Variants in SLC25A1 observed in about 807,000 individuals in gnomAD.
SLC25A1 encodes solute carrier family 25 member 1, also known as tricarboxylate transport protein, mitochondrial.
Under a neutral mutation model 38.1 loss-of-function variants are expected in SLC25A1, and 26 were observed. The ratio of observed to expected loss-of-function variants is 0.68; its 90% CI spans 0.50 to 0.95. SLC25A1 has a LOEUF of 0.95. SLC25A1 is among the 40% of genes least tolerant of loss of function. The pLI is 0.00. For synonymous variants in SLC25A1, 211 were observed against 183.2 expected, an observed-to-expected ratio of 1.15 and a Z score of -1.23; for missense variants, 378 against 426.6, an observed-to-expected ratio of 0.89 and a Z score of 1.00.
Position 19,176,458 on chromosome 22 carries a change from A to C in SLC25A1, c.784T>G (p.Cys262Gly), listed in dbSNP as rs2083960955. ...TCCTTCTTCAGGATCTGCAAGCCGC[A>C]GTCCCACGTGTTCCGGTATTTGTGC... ...EAHKYRNTWD[C>G]GLQILKKEGL... Residue 262 changes from cysteine (C) to glycine (G), a missense_variant, in exon 8 of 9, where the codon TGC (cysteine) becomes GGC (glycine). Coordinates refer to ENST00000215882, the MANE Select transcript of SLC25A1 (RefSeq NM_005984.5). 1 of 1,613,700 alleles carries C rather than the reference A, an allele frequency of 6.2e-7. No homozygotes were observed. The highest frequency in any genetic ancestry group is 8.5e-7 in the Non-Finnish European group (1 of 1,180,014).
At chr22:19,177,700 CG>C in intron 4 of SLC25A1, 26 bp downstream of exon 4, 1 of 1,603,372 alleles carries the variant, frequency 6.2e-7, no homozygotes. Context: ...CCTGCGTGTC[CG>C]GGGTCCTCGC....
At chr22:19,177,016 T>G (rs1218200055) in intron 5 of SLC25A1, 66 bp from the exon 6 acceptor site, 67 of 1,587,190 alleles carry the variant, frequency 4.2e-5, no homozygotes, top group Middle Eastern at 1.7e-4. Context: ...TTGGTGTGTG[T>G]GGGGGGTGGG....
rs2083962379 is a variant in SLC25A1 at position 19,176,505 on chromosome 22, C to T, written c.748-11G>A. 1.2e-6 allele frequency: 2 copies of T among 1,613,608 alleles called. No individual in the cohort carries two copies. Among genetic ancestry groups the T allele is most frequent in the Admixed American group, 1.7e-5 (1 of 60,006 alleles). On this transcript the variant is annotated splice_polypyrimidine_tract_variant and intron_variant, in intron 7 of 8. Transcript: ENST00000215882. ...GTGCGCCTCCAGGCCCTATGGGGGA[C>T]ATCAGCAGGCAGGGGCTCAGCAGCT...
rs1555922641 is a variant in SLC25A1, at chr22:19,177,171, G to A, written c.475C>T (p.Pro159Ser). 19 of 1,614,064 alleles carry A rather than the reference G, an allele frequency of 1.2e-5. No individual in the cohort carries two copies. Among genetic ancestry groups the A allele is most frequent in the Non-Finnish European group, 1.5e-5 (18 of 1,179,962 alleles). Residue 159 changes from proline (P) to serine (S), a missense_variant, in exon 5 of 9, where the codon CCC becomes TCC. Transcript: ENST00000215882. ...CCGTGGAAGAATCCTCTGTACTTGG[G>A]GTTTGGGGAGGTCTGGTCGTGGATG... Reference protein sequence around the residue: ...KFIHDQTSPNPKYRGFFHGVR... With the variant: ...KFIHDQTSPNSKYRGFFHGVR...
chr22:19,176,208 G>A lies in SLC25A1; in HGVS notation c.858C>T (p.Val286=). 6.2e-7 allele frequency: 1 copy of A among 1,613,564 alleles called. No individual in the cohort carries two copies. The highest frequency in any genetic ancestry group is 1.1e-5 in the South Asian group (1 of 91,074). The change falls in exon 9 of 9, where the codon GTC becomes GTT. Residue 286 remains valine (V), a synonymous_variant. Transcript: ENST00000215882. Reference sequence around the variant, plus strand: ...CAAACACTATGGCCACATCCAGGCAGACCCGGCCCAGGCGGGGGACAGTGC... The same window carrying A: ...CAAACACTATGGCCACATCCAGGCAAACCCGGCCCAGGCGGGGGACAGTGC... ...YKGTVPRLGR[V]CLDVAIVFVI...
Position 19,176,250 on chromosome 22 carries a change from T to C in SLC25A1, c.822-6A>G. ...GGACAGTGCCCTTGTAGAATCTGGGTGGGAGGAGGGGCGGGGAGAGGAAGG... is the reference window on the plus strand; with the variant it reads ...GGACAGTGCCCTTGTAGAATCTGGGCGGGAGGAGGGGCGGGGAGAGGAAGG... On this transcript the variant is annotated splice_polypyrimidine_tract_variant and splice_region_variant and intron_variant, in intron 8 of 8. Coordinates refer to ENST00000215882, the MANE Select transcript of SLC25A1 (RefSeq NM_005984.5). 15 of 1,601,618 alleles carry C rather than the reference T, an allele frequency of 9.4e-6. No homozygotes were observed. Among genetic ancestry groups the C allele is most frequent in the Non-Finnish European group, 1.2e-5 (14 of 1,170,922 alleles).
At position 19,178,622 on chromosome 22, in the gene SLC25A1, C is replaced by G; in HGVS notation, c.52G>C (p.Gly18Arg). ...RALAAAAPAS[G>R]KAKLTHPGKA... ...CCCGGGTGCGTCAGCTTGGCCTTCC[C>G]GGACGCGGGCGCGGCGGCCGCCAGA... Residue 18 changes from glycine to arginine, a missense_variant, in exon 1 of 9, where the codon GGG becomes CGG. Physicochemically the swap from Gly to Arg is moderately radical, Grantham distance 125 (BLOSUM62 -2). Transcript: ENST00000215882. The surrounding 1 kb of genome is among the most constrained non-coding windows in gnomAD (Gnocchi z 4.9). 4 of 1,197,284 alleles carry G rather than the reference C, an allele frequency of 3.3e-6. No homozygotes were observed. The highest frequency in any genetic ancestry group is 4.1e-6 in the Non-Finnish European group (4 of 965,706). 74.2% of individuals were successfully genotyped at this position (1,197,284 alleles called of 1,614,324 possible). A position where few individuals can be genotyped will look rare whatever the true frequency, so the allele number is the denominator to read the frequency against.
chr22:19,175,631 T>C lies in SLC25A1; in HGVS notation c.*499A>G, dbSNP rs1063906. The C allele has an allele frequency of 5.1e-6, 1 of 196,158 alleles. No individual in the cohort carries two copies. Among genetic ancestry groups the C allele is most frequent in the Non-Finnish European group, 1.1e-5 (1 of 95,072 alleles). 12.2% of individuals were successfully genotyped at this position (196,158 alleles called of 1,614,324 possible). On this transcript the variant is annotated 3_prime_UTR_variant, in exon 9 of 9. Coordinates refer to ENST00000215882, the MANE Select transcript of SLC25A1 (RefSeq NM_005984.5). ...CTTGGCAGGGTGGTCCTGAGAGTGG[T>C]GGGTGCCACCCTGTCCGGGGCGGAG...
At chr22:19,177,330 C>G in intron 4 of SLC25A1, 126 bp from the exon 5 acceptor site, 1 of 763,460 alleles carries the variant, frequency 1.3e-6, no homozygotes, top group Non-Finnish European at 2.2e-6. Flanking sequence ...GCAGTGCAGC[C>G]AAGGCCGCCC....
Position 19,178,319 on chromosome 22 carries a change from G to T in SLC25A1, c.95-79C>A. On this transcript the variant is annotated intron_variant, in intron 1 of 8. Coordinates refer to ENST00000215882, the MANE Select transcript of SLC25A1 (RefSeq NM_005984.5). This position sits in a 1 kb window ranked among gnomAD's most constrained non-coding sequence, Gnocchi z 4.9. ...GGCCCCTCCCCCGTCCCGGACTTCG[G>T]TCGGCGCGGCCGCCGCGCCAGTGCC... The T allele has an allele frequency of 6.6e-7, 1 of 1,525,074 alleles. No homozygotes were observed. Among genetic ancestry groups the T allele is most frequent in the Non-Finnish European group, 8.8e-7 (1 of 1,136,680 alleles). 94.5% of individuals were successfully genotyped at this position (1,525,074 alleles called of 1,614,324 possible).
Position 19,177,980 on chromosome 22 carries a change from G to C in SLC25A1, c.264C>G (p.Ser88Arg), listed in dbSNP as rs1325967459. ...HGVLGLYRGL[S>R]SLLYGSIPKA... ...TGGGGATGGAACCGTAGAGCAGGGA[G>C]CTAAGGCCGCGGTACAGGCCCAGGA... The change falls in exon 3 of 9, where the codon AGC (serine) becomes AGG (arginine). Residue 88 changes from serine to arginine, a missense_variant. By Grantham distance (110) the Ser-to-Arg change is moderately radical. Transcript: ENST00000215882. The C allele has an allele frequency of 6.2e-7, 1 of 1,604,696 alleles. No homozygotes were observed. The highest frequency in any genetic ancestry group is 8.5e-7 in the Non-Finnish European group (1 of 1,177,374).
At position 19,178,258 on chromosome 22, in the gene SLC25A1, C is replaced by G. The variant is rs1555923345; in HGVS notation, c.95-18G>C. On this transcript the variant is annotated intron_variant, in intron 1 of 8. Transcript: ENST00000215882. The surrounding 1 kb of genome is among the most constrained non-coding windows in gnomAD (Gnocchi z 4.9). ...CAGGCCGCCTGCAGGGACCGGGAAC[C>G]CGCTCCTGAGACTCCCGCCCGGCCG... 6.5e-7 allele frequency: 1 copy of G among 1,544,160 alleles called. No homozygotes were observed.
rs1297546064 is a variant in SLC25A1 at position 19,176,347 on chromosome 22, G to A, written c.821+74C>T. On this transcript the variant is annotated intron_variant, in intron 8 of 8. Coordinates refer to ENST00000215882, the MANE Select transcript of SLC25A1 (RefSeq NM_005984.5). ...GTGAGAGGCACAGAGGCCTGAAGGG[G>A]ACAGAGTGGGCAGGCCAGGTAGGCC... The A allele has an allele frequency of 5.7e-6, 9 of 1,565,582 alleles. No homozygotes were observed. In the South Asian group the frequency reaches 8.9e-5, roughly 15 times the overall value.
chr22:19,176,724 G>C (rs1569129419), intron 6 of SLC25A1, 31 bp from the exon 7 acceptor site: 1 of 1,603,446 alleles, frequency 6.2e-7, no homozygotes, highest in African/African-American at 1.3e-5. Context: ...GTGGGTCAGA[G>C]GGTGCCGGGA....
In SLC25A1 at chr22:19,178,146, C is replaced by A; in HGVS notation, c.189G>T (p.Arg63=). 6.5e-7 allele frequency: 1 copy of A among 1,545,860 alleles called. No homozygotes were observed. The highest frequency in any genetic ancestry group is 8.7e-7 in the Non-Finnish European group (1 of 1,145,532). The change falls in exon 2 of 9, where the codon CGG becomes CGT. Residue 63 remains arginine (R), a synonymous_variant. Coordinates refer to ENST00000215882, the MANE Select transcript of SLC25A1 (RefSeq NM_005984.5). The surrounding 1 kb of genome is among the most constrained non-coding windows in gnomAD (Gnocchi z 4.9). ...LQLDERSHPP[R]YRGIGDCVRQ... ...CCCCCTCCTCACCGATGCCCCGGTACCGCGGCGGGTGCGAGCGCTCGTCCA... is the reference window on the plus strand; with the variant it reads ...CCCCCTCCTCACCGATGCCCCGGTAACGCGGCGGGTGCGAGCGCTCGTCCA...
chr22:19,176,848 C>T lies in SLC25A1; in HGVS notation c.629G>A (p.Arg210Gln), dbSNP rs148734543. The T allele has an allele frequency of 2.4e-4, 382 of 1,613,694 alleles. No homozygotes were observed. The highest frequency in any genetic ancestry group is 4.8e-4 in the African/African-American group (36 of 75,042). The change falls in exon 6 of 9, where the codon CGA (arginine) becomes CAA (glutamine). Residue 210 changes from arginine (R) to glutamine (Q), a missense_variant and splice_region_variant. Coordinates refer to ENST00000215882, the MANE Select transcript of SLC25A1 (RefSeq NM_005984.5). ...GGGGCCCTGTGATGCAGACACACCT[C>T]GGTACCAGTTGCGCAGGGAGGTCAT... ...FVMTSLRNWY[R>Q]GDNPNKPMNP...
chr22:19,177,061 A>G, intron 5 of SLC25A1, 59 bp downstream of exon 5: 1 of 1,572,830 alleles, frequency 6.4e-7, no homozygotes, highest in Non-Finnish European at 8.7e-7. Context: ...TGGGAGGTGC[A>G]GGCCCTTCCC....
Position 19,176,567 on chromosome 22 carries a change from G to T in SLC25A1, c.747+11C>A, listed in dbSNP as rs782748049. ...GGTCCCCCCTTCCCCTCCCCTTCCC[G>T]GCCCCACCACCTGCATCCGGGTCTT... On this transcript the variant is annotated intron_variant, in intron 7 of 8. Transcript: ENST00000215882. 3.1e-6 allele frequency: 5 copies of T among 1,599,900 alleles called. No homozygotes were observed. The South Asian group carries it at 3.3e-5, about 11-fold the overall frequency.
chr22:19,178,629 G>C lies in SLC25A1; in HGVS notation c.45C>G (p.Pro15=), dbSNP rs1224428260. Residue 15 remains proline (P), a synonymous_variant, in exon 1 of 9, where the codon CCC becomes CCG. Coordinates refer to ENST00000215882, the MANE Select transcript of SLC25A1 (RefSeq NM_005984.5). The surrounding 1 kb of genome is among the most constrained non-coding windows in gnomAD (Gnocchi z 4.9). Reference sequence around the variant, plus strand: ...GCGTCAGCTTGGCCTTCCCGGACGCGGGCGCGGCGGCCGCCAGAGCGCGCG... The same window carrying C: ...GCGTCAGCTTGGCCTTCCCGGACGCCGGCGCGGCGGCCGCCAGAGCGCGCG... ...RAPRALAAAA[P]ASGKAKLTHP... 1 of 1,193,396 alleles carries C rather than the reference G, an allele frequency of 8.4e-7. No individual in the cohort carries two copies. The highest frequency in any genetic ancestry group is 1.0e-6 in the Non-Finnish European group (1 of 963,408). 73.9% of individuals were successfully genotyped at this position (1,193,396 alleles called of 1,614,324 possible).
Sources: gnomAD v4.1 joint callset for allele counts on GRCh38, gnomAD v4.1.1 for gene constraint, Gnocchi (gnomAD v3.1) non-coding constraint, MANE v1.5 for transcripts, NCBI Gene and HGNC (gene_info 2026-07-23, HGNC 2026-07-21) for gene names.